The following LIPF variants were observed in gnomAD, a reference collection of about 807,000 sequenced individuals.
LIPF encodes gastric triacylglycerol lipase.
A neutral mutation model predicts 38.0 loss-of-function variants in LIPF; 25 were observed. The observed-to-expected ratio is 0.66, with a 90% CI of 0.48 to 0.92. The LOEUF is 0.92. Ranked by LOEUF, LIPF falls within the 40% of genes least tolerant of loss-of-function variation. LIPF has a pLI of 0.00. For missense variants in LIPF, 410 were observed against 469.9 expected, an observed-to-expected ratio of 0.87 and a Z score of 1.18; for synonymous variants, 161 against 156.2, an observed-to-expected ratio of 1.03 and a Z score of -0.23.
intron 1 of LIPF, among the ~76,000 whole-genome samples, chr10:88,665,797 G>A (rs560517738): frequency 2.2e-5 from 3 of 139,200 alleles, no homozygotes; most frequent in African/African-American, 8.0e-5. Flanking sequence ...GGGCTGGAGT[G>A]CAATGGTGCG....
rs184103974 is a variant in LIPF at position 88,672,613 on chromosome 10, C to T, written c.669+648C>T. ...AATGCTTAATACCCTAATTCTCTCA[C>T]CCAGTAAAACCAACACACACACACA... On this transcript the variant is annotated intron_variant, in intron 6 of 9. Coordinates refer to ENST00000238983, the MANE Select transcript of LIPF (RefSeq NM_004190.4). Among the ~76,000 whole-genome samples the T allele has an allele frequency of 3.4e-3, 514 of 150,388 alleles. 3 individuals carry two copies. The highest frequency in any genetic ancestry group is 5.7e-3 in the Non-Finnish European group (386 of 67,612).
intron 1 of LIPF, among the ~76,000 whole-genome samples, chr10:88,666,637 C>A (rs1166998265): frequency 6.6e-6 from 1 of 151,934 alleles, no homozygotes; most frequent in African/African-American, 2.4e-5. Context: ...CGGGAAGATA[C>A]CTTGAGGCCA....
At chr10:88,677,655 G>A (rs189515124) in intron 9 of LIPF, among the ~76,000 whole-genome samples, 53 of 152,186 alleles carry the variant, frequency 3.5e-4, no homozygotes, top group Admixed American at 2.3e-3. Context: ...CAAAATGTGA[G>A]AATACAGAAA....
rs773155762 is a variant in LIPF at position 88,667,576 on chromosome 10, T to A, written c.113T>A (p.Met38Lys). The A allele has an allele frequency of 1.9e-6, 3 of 1,561,336 alleles. No homozygotes were observed. The highest frequency in any genetic ancestry group is 1.4e-5 in the African/African-American group (1 of 73,816). Residue 38 changes from methionine to lysine, a missense_variant, in exon 3 of 10, where the codon ATG becomes AAG. Transcript: ENST00000238983. Reference protein sequence around the residue: ...SPEVTMNISQMITYWGYPNEE... With the variant: ...SPEVTMNISQKITYWGYPNEE... ...TTGGGTTTGCTTCCTCAGAGTCAGA[T>A]GATTACTTATTGGGGATACCCAAAT... is the stretch of plus-strand genomic sequence containing the variant.
intron 9 of LIPF, among the ~76,000 whole-genome samples, chr10:88,676,732 C>A (rs903506412): frequency 6.6e-6 from 1 of 152,112 alleles, no homozygotes; most frequent in Non-Finnish European, 1.5e-5. Flanking sequence ...AAAAAGATGC[C>A]GTGCTTGCAG....
chr10:88,673,562 C>G (rs781652110), intron 6 of LIPF, 26 bp from the exon 7 acceptor site: 2 of 1,581,496 alleles, frequency 1.3e-6, no homozygotes, highest in Non-Finnish European at 1.7e-6. Context: ...TTGCTACAAC[C>G]CTCTAATAGT....
At chr10:88,665,931 G>T (rs2134631884) in intron 1 of LIPF, among the ~76,000 whole-genome samples, 1 of 151,992 alleles carries the variant, frequency 6.6e-6, no homozygotes, top group African/African-American at 2.4e-5. Context: ...TAGAGACGTG[G>T]TTTCACCGTG....
chr10:88,672,670 A>ACACACTCTCTCT (rs869259093), intron 6 of LIPF, among the ~76,000 whole-genome samples: 22 of 110,554 alleles, frequency 2.0e-4, no homozygotes, highest in African/African-American at 6.8e-4. Context: ...ACACACACAC[A>ACACACTCTCTCT]CTCTCTCTCT....
chr10:88,675,284 T>C (rs1341483725), intron 7 of LIPF, among the ~76,000 whole-genome samples: 2 of 152,216 alleles, frequency 1.3e-5, no homozygotes, highest in Non-Finnish European at 1.5e-5. Context: ...AATTAAAGTA[T>C]CTGTCTCCAT....
chr10:88,675,501 T>A (rs1315218202), intron 7 of LIPF, 85 bp from the exon 8 acceptor site: 4 of 1,002,520 alleles, frequency 4.0e-6, no homozygotes, highest in East Asian at 4.9e-5. Context: ...TTGACCTGAA[T>A]CAGAAAACAT....
chr10:88,672,948 T>C (rs1841627366), intron 6 of LIPF, among the ~76,000 whole-genome samples: 1 of 152,226 alleles, frequency 6.6e-6, no homozygotes, highest in African/African-American at 2.4e-5. Context: ...TGATAGGCAA[T>C]GCAGACGTAG....
At position 88,667,691 on chromosome 10, in the gene LIPF, A is replaced by G; in HGVS notation, c.223+5A>G. 2 of 1,147,532 alleles carry G rather than the reference A, an allele frequency of 1.7e-6. No homozygotes were observed. Among genetic ancestry groups the G allele is most frequent in the Non-Finnish European group, 2.6e-6 (2 of 773,198 alleles). 71.1% of individuals were successfully genotyped at this position (1,147,532 alleles called of 1,614,324 possible). On this transcript the variant is annotated splice_donor_5th_base_variant and intron_variant, in intron 3 of 9. Coordinates refer to ENST00000238983, the MANE Select transcript of LIPF (RefSeq NM_004190.4). ...AGAAAAATTCAGGGAATACAGGTAT[A>G]TATAAGCTTCTTTTCTTCCTTCCTT...
chr10:88,672,656 ACACACACACACACACTCT>A (rs1407291037), intron 6 of LIPF, among the ~76,000 whole-genome samples: 1 of 138,492 alleles, frequency 7.2e-6, no homozygotes, highest in Admixed American at 7.3e-5. Context: ...ACACACACAC[ACACACACACACACACTCT>A]CTCTCTCTCT....
Position 88,675,441 on chromosome 10 carries a change from C to T in LIPF, c.817-145C>T, listed in dbSNP as rs1841670126. ...TTGCACTTTGCAAATTCTGAAGTGA[C>T]ATACAAATGTGTTGTTCATATCCTT... On this transcript the variant is annotated intron_variant, in intron 7 of 9. Coordinates refer to ENST00000238983, the MANE Select transcript of LIPF (RefSeq NM_004190.4). 8.1e-6 allele frequency: 5 copies of T among 620,768 alleles called. No individual in the cohort carries two copies. In the African/African-American group the frequency reaches 9.5e-5, roughly 12 times the overall value. The allele number at this position is 620,768 out of a possible 1,614,324, so 38.5% of individuals were successfully genotyped here.
intron 6 of LIPF, 88 bp from the exon 7 acceptor site, chr10:88,673,500 C>A: frequency 1.0e-6 from 1 of 958,552 alleles, no homozygotes; most frequent in Admixed American, 2.4e-5. Context: ...TCATCCTCAT[C>A]ACACATGTAT....
chr10:88,664,684 T>C (rs957312815), intron 1 of LIPF, among the ~76,000 whole-genome samples, 193 bp downstream of exon 1: 2 of 152,218 alleles, frequency 1.3e-5, no homozygotes, highest in Non-Finnish European at 2.9e-5. Context: ...ATGAGACTCT[T>C]AATTATGGAA....
intron 3 of LIPF, 57 bp from the exon 4 acceptor site, chr10:88,668,501 C>A: frequency 4.7e-6 from 7 of 1,483,264 alleles, no homozygotes; most frequent in Non-Finnish European, 6.5e-6. Context: ...TCTAGCCTCA[C>A]ATTTATCCTA....
At chr10:88,674,431 G>C (rs996190735) in intron 7 of LIPF, among the ~76,000 whole-genome samples, 4 of 151,340 alleles carry the variant, frequency 2.6e-5, no homozygotes, top group African/African-American at 9.7e-5. Context: ...GCTTCCCAAA[G>C]TGCTGGGATT....
At position 88,667,574 on chromosome 10, in the gene LIPF, G is replaced by T; in HGVS notation, c.111G>T (p.Gln37His). The T allele has an allele frequency of 6.4e-7, 1 of 1,555,238 alleles. No homozygotes were observed. The highest frequency in any genetic ancestry group is 8.9e-7 in the Non-Finnish European group (1 of 1,129,460). The change falls in exon 3 of 10, where the codon CAG becomes CAT. Residue 37 changes from glutamine to histidine, a missense_variant. By Grantham distance (24) the Gln-to-His change is conservative (BLOSUM62 0). Coordinates refer to ENST00000238983, the MANE Select transcript of LIPF (RefSeq NM_004190.4). ...TTTTGGGTTTGCTTCCTCAGAGTCA[G>T]ATGATTACTTATTGGGGATACCCAA... ...GSPEVTMNIS[Q>H]MITYWGYPNE...
Sources: allele counts gnomAD v4.1 joint callset (sites outside exome capture counted in the v4.1 genomes callset), GRCh38; gene constraint gnomAD v4.1.1; transcripts MANE v1.5; gene names NCBI Gene and HGNC (gene_info 2026-07-23, HGNC 2026-07-21).